Variants in KCNC3 observed in about 807,000 individuals in gnomAD.
The protein encoded by KCNC3 is voltage-gated potassium channel KCNC3.
KCNC3 carries 22 observed loss-of-function variants against 43.9 expected under a neutral mutation model. That is an observed-to-expected ratio of 0.50 (90% CI 0.36 to 0.72). KCNC3 has a LOEUF of 0.72. Ranked by LOEUF, KCNC3 falls within the 30% of genes least tolerant of loss-of-function variation. The probability of loss-of-function intolerance (pLI) is 0.00; values close to 1 mark genes in which losing one functional copy is unlikely to be tolerated. For synonymous variants in KCNC3, 492 were observed against 488.0 expected, an observed-to-expected ratio of 1.01 and a Z score of -0.11; for missense variants, 829 against 1,073.8, an observed-to-expected ratio of 0.77 and a Z score of 3.19.
chr19:50,330,576 G>A (rs370152247), upstream of KCNC3, among the ~76,000 whole-genome samples: 3 of 152,104 alleles, frequency 2.0e-5, no homozygotes, highest in South Asian at 4.2e-4. Flanking sequence ...AACTTCTAAC[G>A]AACGCTACAC....
At chr19:50,319,966 G>A (rs901438355) in intron 4 of KCNC3, among the ~76,000 whole-genome samples, 4 of 150,680 alleles carry the variant, frequency 2.7e-5, no homozygotes, top group African/African-American at 7.3e-5. Context: ...ATGGGGGTGA[G>A]GATGGGGTCG....
At chr19:50,317,434 C>T (rs887039130) in intron 4 of KCNC3, among the ~76,000 whole-genome samples, 1 of 152,104 alleles carries the variant, frequency 6.6e-6, no homozygotes, top group Non-Finnish European at 1.5e-5. Flanking sequence ...AGGCTGTGGA[C>T]AGGGATCCTT....
At position 50,315,182 on chromosome 19, in the gene KCNC3, A is replaced by G. The variant is rs554112528; in HGVS notation, c.*933T>C. On this transcript the variant is annotated 3_prime_UTR_variant, in exon 5 of 5. Coordinates refer to ENST00000477616, the MANE Select transcript of KCNC3 (RefSeq NM_004977.3). Reference sequence around the variant, plus strand: ...GTCAGGCAGACAGAGACACAAAAGGACGGATGACAAGAGACAGATGGACAG... The same window carrying G: ...GTCAGGCAGACAGAGACACAAAAGGGCGGATGACAAGAGACAGATGGACAG... 1.3e-5 allele frequency among the ~76,000 whole-genome samples: 2 copies of G among 152,138 alleles called. No homozygotes were observed. The highest frequency in any genetic ancestry group is 3.9e-4 in the East Asian group (2 of 5,166).
At chr19:50,330,664 C>A (rs1276868870), upstream of KCNC3, among the ~76,000 whole-genome samples, 1 of 151,828 alleles carries the variant, frequency 6.6e-6, no homozygotes, top group African/African-American at 2.4e-5. Context: ...GCAGAGAGGA[C>A]GGGAGAGGGG....
In KCNC3 at chr19:50,323,745, G is replaced by A; in HGVS notation, c.1208C>T (p.Ser403Phe). 6.2e-7 allele frequency: 1 copy of A among 1,614,234 alleles called. No homozygotes were observed. The change falls in exon 2 of 5, where the codon TCC (serine) becomes TTC (phenylalanine). Residue 403 changes from serine to phenylalanine, a missense_variant. Transcript: ENST00000477616. ...YLEVGLSGLS[S>F]KAAKDVLGFL... The stretch of plus-strand genomic sequence containing the variant: ...GCCCAGCACGTCTTTGGCGGCCTTG[G>A]AGCTGAGGCCCGAGAGGCCCACCTC...
chr19:50,333,183 A>G (rs1024290319), upstream of KCNC3, among the ~76,000 whole-genome samples: 3 of 151,404 alleles, frequency 2.0e-5, no homozygotes, highest in African/African-American at 7.3e-5. Context: ...CCTCCCCCGT[A>G]CTCACCCCAA....
Position 50,314,375 on chromosome 19 carries a change from C to T in KCNC3, c.*1740G>A, listed in dbSNP as rs1045487172. The T allele has an allele frequency of 5.9e-6, 1 of 169,384 alleles. No individual in the cohort carries two copies. Among genetic ancestry groups the T allele is most frequent in the African/African-American group, 2.4e-5 (1 of 41,492 alleles). The allele number at this position is 169,384 out of a possible 1,614,324, so 10.5% of individuals were successfully genotyped here. A position where few individuals can be genotyped will look rare whatever the true frequency, so the allele number is the denominator to read the frequency against. ...GGGTGAAGGATGGGAAGGCTGGAGA[C>T]CTTAAAGGCCAGCCCGACCCCCGGG... On this transcript the variant is annotated 3_prime_UTR_variant, in exon 5 of 5. Transcript: ENST00000477616.
Position 50,314,740 on chromosome 19 carries a change from A to T in KCNC3, c.*1375T>A, listed in dbSNP as rs1227949468. 1 of 441,866 alleles carries T rather than the reference A, an allele frequency of 2.3e-6. No individual in the cohort carries two copies. Among genetic ancestry groups the T allele is most frequent in the African/African-American group, 2.1e-5 (1 of 48,446 alleles). 27.4% of individuals were successfully genotyped at this position (441,866 alleles called of 1,614,324 possible). A position where few individuals can be genotyped will look rare whatever the true frequency, so the allele number is the denominator to read the frequency against. Reference sequence around the variant, plus strand: ...GGCATCGTCATCTCGGTTGCATATTATTAATGACTTTTTGATTTTTTTTAA... The same window carrying T: ...GGCATCGTCATCTCGGTTGCATATTTTTAATGACTTTTTGATTTTTTTTAA... On this transcript the variant is annotated 3_prime_UTR_variant, in exon 5 of 5. Coordinates refer to ENST00000477616, the MANE Select transcript of KCNC3 (RefSeq NM_004977.3).
At chr19:50,331,015 G>C (rs1474300719), upstream of KCNC3, among the ~76,000 whole-genome samples, 1 of 152,090 alleles carries the variant, frequency 6.6e-6, no homozygotes. Context: ...GCTTCCTGCT[G>C]CAGGTGCGGC....
Position 50,329,239 on chromosome 19 carries a change from T to G in KCNC3, c.-157A>C. 7.7e-5 allele frequency: 8 copies of G among 104,162 alleles called. No homozygotes were observed. Among genetic ancestry groups the G allele is most frequent in the East Asian group, 2.6e-4 (1 of 3,884 alleles). The allele number at this position is 104,162 out of a possible 1,614,324, so 6.5% of individuals were successfully genotyped here. On this transcript the variant is annotated 5_prime_UTR_variant, in exon 1 of 5. Transcript: ENST00000477616. ...GCCTGGGGGAGGTGGGGCGGGGCTGTGGCTGGGAGGAGTGGGGCGGGCACT... is the reference window on the plus strand; with the variant it reads ...GCCTGGGGGAGGTGGGGCGGGGCTGGGGCTGGGAGGAGTGGGGCGGGCACT...
intron 1 of KCNC3, among the ~76,000 whole-genome samples, chr19:50,325,803 G>A (rs944647132): frequency 6.6e-6 from 1 of 152,184 alleles, no homozygotes; most frequent in Non-Finnish European, 1.5e-5. Context: ...GCGGCTAGGG[G>A]CCGTCTTAAC....
intron 1 of KCNC3, among the ~76,000 whole-genome samples, chr19:50,326,849 G>A (rs985150627): frequency 4.0e-5 from 6 of 148,684 alleles, no homozygotes; most frequent in Non-Finnish European, 8.9e-5. Flanking sequence ...AATTTGGAGA[G>A]AGAGAGAAGG....
At chr19:50,322,799 C>CTA (rs1418055401) in intron 2 of KCNC3, among the ~76,000 whole-genome samples, 176 bp downstream of exon 2, 1 of 152,168 alleles carries the variant, frequency 6.6e-6, no homozygotes, top group Non-Finnish European at 1.5e-5. Context: ...CCCATGAAAC[C>CTA]TATGTCTCTG....
Position 50,323,257 on chromosome 19 carries a change from G to A in KCNC3, c.1696C>T (p.Pro566Ser), listed in dbSNP as rs761652328. 65 of 1,602,496 alleles carry A rather than the reference G, an allele frequency of 4.1e-5. No homozygotes were observed. Among genetic ancestry groups the A allele is most frequent in the Middle Eastern group, 1.7e-4 (1 of 6,028 alleles). ...TAGTTGGGCGAGCCCGGTTGCGGGGGCCGGGGGATGTGTTTGTTCTTCTTC... is the reference window on the plus strand; with the variant it reads ...TAGTTGGGCGAGCCCGGTTGCGGGGACCGGGGGATGTGTTTGTTCTTCTTC... Reference protein sequence around the residue: ...PKKKNKHIPRPPQPGSPNYCK... With the variant: ...PKKKNKHIPRSPQPGSPNYCK... The change falls in exon 2 of 5, where the codon CCC becomes TCC. Residue 566 changes from proline to serine, a missense_variant. Around this residue, in one of 7 missense-constraint regions of KCNC3, gnomAD observed 308 missense variants for 276.2 expected, o/e 1.11. Transcript: ENST00000477616.
In KCNC3 at chr19:50,315,064, G is replaced by C. The variant is rs2036929854; in HGVS notation, c.*1051C>G. ...GGTGCAGGGAAGGGTCAGACAGAGA[G>C]ACCCAAGGCAGGGAGAAAGAGACAG... On this transcript the variant is annotated 3_prime_UTR_variant, in exon 5 of 5. Coordinates refer to ENST00000477616, the MANE Select transcript of KCNC3 (RefSeq NM_004977.3). 5.0e-6 allele frequency: 1 copy of C among 200,064 alleles called. No homozygotes were observed. The highest frequency in any genetic ancestry group is 5.8e-5 in the Admixed American group (1 of 17,370). The allele number at this position is 200,064 out of a possible 1,614,324, so 12.4% of individuals were successfully genotyped here.
In KCNC3 at chr19:50,323,078, C is replaced by T. The variant is rs537912602; in HGVS notation, c.1875G>A (p.Arg625=). Residue 625 remains arginine, a synonymous_variant, in exon 2 of 5, where the codon AGG becomes AGA. Coordinates refer to ENST00000477616, the MANE Select transcript of KCNC3 (RefSeq NM_004977.3). The part of the protein sequence containing the change: ...AGPHTHPGLL[R]GGAGGLGIMG... ...TGATCCCCAGCCCACCCGCTCCCCCCCTGAGCAGCCCGGGGTGCGTGTGGG... is the reference window on the plus strand; with the variant it reads ...TGATCCCCAGCCCACCCGCTCCCCCTCTGAGCAGCCCGGGGTGCGTGTGGG... The T allele has an allele frequency of 2.6e-6, 4 of 1,539,886 alleles. No individual in the cohort carries two copies. Among genetic ancestry groups the T allele is most frequent in the African/African-American group, 2.7e-5 (2 of 73,030 alleles).
At position 50,322,158 on chromosome 19, in the gene KCNC3, G is replaced by C. The variant is rs141031476; in HGVS notation, c.1978+817C>G. Among the ~76,000 whole-genome samples the C allele has an allele frequency of 2.4e-3, 369 of 152,070 alleles. 1 individual carries two copies. The highest frequency in any genetic ancestry group is 7.9e-3 in the African/African-American group (330 of 41,510). Reference sequence around the variant, plus strand: ...ACTTAAGGCGGGGCAGTGCAGGGGGGGGCCACCAGCCTCTCCTTCCTCCTA... The same window carrying C: ...ACTTAAGGCGGGGCAGTGCAGGGGGCGGCCACCAGCCTCTCCTTCCTCCTA... On this transcript the variant is annotated intron_variant, in intron 2 of 4. Transcript: ENST00000477616.
upstream of KCNC3, among the ~76,000 whole-genome samples, chr19:50,333,083 A>G (rs1263020605): frequency 6.6e-6 from 1 of 152,096 alleles, no homozygotes; most frequent in African/African-American, 2.4e-5. Flanking sequence ...TCTCCCCGCT[A>G]TAATCTTTGG....
chr19:50,323,381 G>A lies in KCNC3; in HGVS notation c.1572C>T (p.Ala524=). The A allele has an allele frequency of 1.9e-6, 3 of 1,614,168 alleles. No homozygotes were observed. Among genetic ancestry groups the A allele is most frequent in the South Asian group, 2.2e-5 (2 of 91,092 alleles). ...TGGCGATGGTCAGCACCCCCGCCAGGGCACACAGCGCCCCGACCAGCATCC... is the reference window on the plus strand; with the variant it reads ...TGGCGATGGTCAGCACCCCCGCCAGAGCACACAGCGCCCCGACCAGCATCC... ...WSGMLVGALC[A]LAGVLTIAMP... The change falls in exon 2 of 5, where the codon GCC becomes GCT. Residue 524 remains alanine, a synonymous_variant. Transcript: ENST00000477616.
Sources: gnomAD v4.1 joint callset for allele counts (sites outside exome capture counted in the v4.1 genomes callset) on GRCh38, gnomAD v4.1.1 for gene constraint, gnomAD v4.1.1 regional missense constraint, MANE v1.5 for transcripts, NCBI Gene and HGNC (gene_info 2026-07-23, HGNC 2026-07-21) for gene names.